The following PCDHGA1 variants were observed in gnomAD, a reference collection of about 807,000 sequenced individuals.
PCDHGA1 encodes the protein protocadherin gamma subfamily A, 1.
In PCDHGA1, 32 loss-of-function variants were observed where a neutral mutation model predicts 58.0. That is an observed-to-expected ratio of 0.55 (90% confidence interval 0.42 to 0.74). The LOEUF (loss-of-function observed/expected upper bound fraction) is 0.74, where lower values mean the gene tolerates loss of function less well. Ranked by LOEUF, PCDHGA1 falls within the 30% of genes least tolerant of loss-of-function variation. PCDHGA1 has a pLI of 0.00. For missense variants in PCDHGA1, 1,205 were observed against 1,182.3 expected, an observed-to-expected ratio of 1.02 and a Z score of -0.28; for synonymous variants, 498 against 501.1, an observed-to-expected ratio of 0.99 and a Z score of 0.08.
chr5:141,344,067 G>A, intron 1 of PCDHGA1: 1 of 1,598,818 alleles, frequency 6.3e-7, no homozygotes, highest in Non-Finnish European at 8.5e-7. Context: ...AAATGGCAGA[G>A]GACTGGCCCT....
intron 1 of PCDHGA1, chr5:141,341,693 G>A (rs1379230860): frequency 3.7e-6 from 2 of 546,874 alleles, no homozygotes; most frequent in Admixed American, 7.3e-5. Context: ...CTCCATCCCT[G>A]GGCAAATCAT....
At chr5:141,442,473 C>T (rs1435437337) in intron 1 of PCDHGA1, 1 of 152,240 alleles carries the variant, frequency 6.6e-6, no homozygotes, top group Non-Finnish European at 1.5e-5. Flanking sequence ...CAGAAAGCCC[C>T]TTGGGGAAGG....
intron 1 of PCDHGA1, 84 bp from the exon 2 acceptor site, chr5:141,494,723 C>T: frequency 1.9e-6 from 3 of 1,606,114 alleles, no homozygotes; most frequent in Non-Finnish European, 2.6e-6. Flanking sequence ...TCCCCTCCTT[C>T]TCTCCCGGCC....
intron 1 of PCDHGA1, chr5:141,362,328 C>A: frequency 6.2e-7 from 1 of 1,614,068 alleles, no homozygotes; most frequent in Non-Finnish European, 8.5e-7. Context: ...AGCCTGGTCT[C>A]AGCTCCAAGC....
intron 1 of PCDHGA1, chr5:141,365,786 C>T (rs1446985601): frequency 6.2e-7 from 1 of 1,613,932 alleles, no homozygotes; most frequent in Non-Finnish European, 8.5e-7. Context: ...CGACAACGCT[C>T]GAGTCACCTA....
chr5:141,349,985 G>A, intron 1 of PCDHGA1: 1 of 308,912 alleles, frequency 3.2e-6, no homozygotes, highest in Non-Finnish European at 5.9e-6. Flanking sequence ...AAGAGGTTGC[G>A]CTTTGAGGAT....
At chr5:141,497,212 G>C (rs968445663) in intron 2 of PCDHGA1, among the ~76,000 whole-genome samples, 2 of 151,018 alleles carry the variant, frequency 1.3e-5, no homozygotes, top group East Asian at 3.9e-4. Context: ...AGTGTAATGG[G>C]GGGGGGAAGA....
At chr5:141,357,471 C>T in intron 1 of PCDHGA1, 1 of 1,614,206 alleles carries the variant, frequency 6.2e-7, no homozygotes, top group Non-Finnish European at 8.5e-7. Context: ...CCCACGAGGT[C>T]TCCCTCACCG....
At chr5:141,434,265 GA>G (rs2097683598) in intron 1 of PCDHGA1, among the ~76,000 whole-genome samples, 1 of 152,186 alleles carries the variant, frequency 6.6e-6, no homozygotes, top group South Asian at 2.1e-4. Context: ...GGGGGAGGTG[GA>G]AATTAGAGGT....
At chr5:141,452,003 T>C (rs1031228207) in intron 1 of PCDHGA1, among the ~76,000 whole-genome samples, 2 of 152,210 alleles carry the variant, frequency 1.3e-5, no homozygotes, top group Non-Finnish European at 2.9e-5. Context: ...CAAAATCACT[T>C]GGTCCAGCCC....
chr5:141,393,613 G>A, intron 1 of PCDHGA1: 1 of 1,613,926 alleles, frequency 6.2e-7, no homozygotes, highest in Non-Finnish European at 8.5e-7. Flanking sequence ...GTAACAGCCA[G>A]CGACCCGGAT....
rs1756401658 is a variant in PCDHGA1 at position 141,332,332 on chromosome 5, C to G, written c.1648C>G (p.Leu550Val). 1 of 1,614,224 alleles carries G rather than the reference C, an allele frequency of 6.2e-7. No homozygotes were observed. The highest frequency in any genetic ancestry group is 8.5e-7 in the Non-Finnish European group (1 of 1,180,044). ...PPLSSNVSLS[L>V]FLLDQNDNAP... ...CCTCAGCAGCAACGTGTCTCTCAGC[C>G]TATTCCTGCTGGACCAGAACGACAA... Residue 550 changes from leucine (L) to valine (V), a missense_variant, in exon 1 of 4, where the codon CTA becomes GTA. Transcript: ENST00000517417. The surrounding 1 kb of genome is among the most constrained non-coding windows in gnomAD (Gnocchi z 4.6).
chr5:141,399,540 C>A (rs775910113), intron 1 of PCDHGA1: 2 of 1,613,934 alleles, frequency 1.2e-6, no homozygotes, highest in Non-Finnish European at 1.7e-6. Context: ...CGCAAGTCTG[C>A]GCCTCGGACC....
At chr5:141,435,858 A>C (rs138728159) in intron 1 of PCDHGA1, among the ~76,000 whole-genome samples, 1 of 152,304 alleles carries the variant, frequency 6.6e-6, no homozygotes, top group East Asian at 1.9e-4. Context: ...TACAATAGTT[A>C]AAACCCAGAA....
intron 1 of PCDHGA1, chr5:141,414,805 C>T (rs1464881022): frequency 1.2e-6 from 2 of 1,614,224 alleles, no homozygotes; most frequent in Middle Eastern, 1.6e-4. Flanking sequence ...CAGCGGGGAT[C>T]CTCCACTCAG....
intron 1 of PCDHGA1, chr5:141,439,815 T>C (rs1027862858): frequency 5.3e-5 from 8 of 152,314 alleles, no homozygotes; most frequent in African/African-American, 1.9e-4. Flanking sequence ...AAGGGGCTTA[T>C]TTGGGCTGGA....
chr5:141,415,761 T>A (rs1047830043), intron 1 of PCDHGA1: 2 of 1,399,648 alleles, frequency 1.4e-6, no homozygotes, highest in African/African-American at 3.0e-5. Context: ...TTTTTTTTTT[T>A]TTTTTTTTTT....
At position 141,438,956 on chromosome 5, in the gene PCDHGA1, G is replaced by A. The variant is rs140181975; in HGVS notation, c.2422-55851G>A. 3.9e-3 allele frequency among the ~76,000 whole-genome samples: 592 copies of A among 151,974 alleles called. 6 individuals are homozygous for A. Among genetic ancestry groups the A allele is most frequent in the Admixed American group, 0.011 (171 of 15,242 alleles). On this transcript the variant is annotated intron_variant, in intron 1 of 3. Coordinates refer to ENST00000517417, the MANE Select transcript of PCDHGA1 (RefSeq NM_018912.3). ...GCTGGGATTATAGGCATGAGCCACCGCACCCTGCCAACTGTCTGACTTATC... is the reference window on the plus strand; with the variant it reads ...GCTGGGATTATAGGCATGAGCCACCACACCCTGCCAACTGTCTGACTTATC...
chr5:141,366,798 T>C, intron 1 of PCDHGA1: 1 of 1,567,294 alleles, frequency 6.4e-7, no homozygotes, highest in Non-Finnish European at 8.7e-7. Context: ...TTTCATTTGT[T>C]TCCTTTTTCA....
Sources: allele counts gnomAD v4.1 joint callset (sites outside exome capture counted in the v4.1 genomes callset), GRCh38; gene constraint gnomAD v4.1.1; non-coding constraint Gnocchi (gnomAD v3.1); transcripts MANE v1.5; gene names NCBI Gene and HGNC (gene_info 2026-07-23, HGNC 2026-07-21).